Variants in FGF14 observed in about 807,000 individuals in gnomAD.
FGF14 encodes the protein fibroblast growth factor homologous factor 4.
Under a neutral mutation model 25.5 loss-of-function variants are expected in FGF14, and 5 were observed. The ratio of observed to expected loss-of-function variants is 0.20; its 90% confidence interval spans 0.10 to 0.41. The LOEUF (loss-of-function observed/expected upper bound fraction) is 0.41. Among genes scored for constraint, FGF14 ranks in the 10% least tolerant of loss-of-function variants. FGF14 has a pLI of 1.00. For synonymous variants in FGF14, 138 were observed against 118.3 expected, an observed-to-expected ratio of 1.17 and a Z score of -1.08; for missense variants, 222 against 320.1, an observed-to-expected ratio of 0.69 and a Z score of 2.34.
intron 1 of FGF14, among the ~76,000 whole-genome samples, chr13:102,269,588 T>C (rs1265410020): frequency 1.3e-5 from 2 of 152,194 alleles, no homozygotes; most frequent in Non-Finnish European, 2.9e-5. Flanking sequence ...GGAGTCTCAA[T>C]ATGTTGCTCA....
chr13:102,228,086 G>A (rs1055082730), intron 1 of FGF14, among the ~76,000 whole-genome samples: 4 of 152,136 alleles, frequency 2.6e-5, no homozygotes, highest in Admixed American at 1.3e-4. Context: ...TTTGCTAACT[G>A]TGAAATGGCA....
rs1031345440 is a variant in FGF14 at position 101,714,807 on chromosome 13, C to A, written c.*8024G>T. 1 of 488,172 alleles carries A rather than the reference C, an allele frequency of 2.0e-6. No individual in the cohort carries two copies. Among genetic ancestry groups the A allele is most frequent in the Non-Finnish European group, 3.7e-6 (1 of 273,482 alleles). 30.2% of individuals were successfully genotyped at this position (488,172 alleles called of 1,614,324 possible). A position where few individuals can be genotyped will look rare whatever the true frequency, so the allele number is the denominator to read the frequency against. On this transcript the variant is annotated 3_prime_UTR_variant, in exon 5 of 5. Coordinates refer to ENST00000376143, the MANE Select transcript of FGF14 (RefSeq NM_004115.4). Reference sequence around the variant, plus strand: ...TCCTTCCACAAAGTAACCTCCCCACCCTCAAACTCACATGTATGCAGTTGT... The same window carrying A: ...TCCTTCCACAAAGTAACCTCCCCACACTCAAACTCACATGTATGCAGTTGT...
At chr13:101,984,446 T>C (rs2038448579) in intron 1 of FGF14, among the ~76,000 whole-genome samples, 1 of 152,170 alleles carries the variant, frequency 6.6e-6, no homozygotes, top group African/African-American at 2.4e-5. Context: ...TCAATCTGTT[T>C]AATAAGATGG....
chr13:101,783,118 T>C (rs2039606893), intron 3 of FGF14, among the ~76,000 whole-genome samples: 1 of 152,230 alleles, frequency 6.6e-6, no homozygotes, highest in Admixed American at 6.5e-5. Flanking sequence ...TGCATTTCTC[T>C]AATGATCAGT....
chr13:102,351,165 A>G (rs1291069006), intron 1 of FGF14, among the ~76,000 whole-genome samples: 2 of 152,050 alleles, frequency 1.3e-5, no homozygotes, highest in African/African-American at 4.8e-5. Context: ...TGAATCTCTC[A>G]TTATATTTCT....
At position 101,847,755 on chromosome 13, in the gene FGF14, T is replaced by G. The variant is rs7327613; in HGVS notation, c.408+20970A>C. On this transcript the variant is annotated intron_variant, in intron 3 of 4. Transcript: ENST00000376143. Reference sequence around the variant, plus strand: ...TAGGCTTTGCCTTAAGAAGAATCTCTTTAATGTAGTCCCATATAATAAAAA... The same window carrying G: ...TAGGCTTTGCCTTAAGAAGAATCTCGTTAATGTAGTCCCATATAATAAAAA... 6.8e-3 allele frequency among the ~76,000 whole-genome samples: 1,029 copies of G among 152,206 alleles called. 10 individuals are homozygous for G. The highest frequency in any genetic ancestry group is 0.022 in the South Asian group (105 of 4,820).
At chr13:101,742,616 G>A (rs1335590696) in intron 3 of FGF14, among the ~76,000 whole-genome samples, 1 of 151,966 alleles carries the variant, frequency 6.6e-6, no homozygotes, top group African/African-American at 2.4e-5. Context: ...GCAGTTTTTG[G>A]TGCAAAGTGT....
chr13:102,231,633 C>T (rs938262290), intron 1 of FGF14, among the ~76,000 whole-genome samples: 3 of 152,168 alleles, frequency 2.0e-5, no homozygotes, highest in African/African-American at 7.2e-5. Flanking sequence ...ATGTTATGTC[C>T]TCCCTCCTGT....
intron 3 of FGF14, among the ~76,000 whole-genome samples, chr13:101,816,317 C>A (rs1359133285): frequency 6.9e-6 from 1 of 145,272 alleles, no homozygotes; most frequent in East Asian, 2.0e-4. Flanking sequence ...AGGGAGATAT[C>A]AGGGTTAAAT....
intron 1 of FGF14, among the ~76,000 whole-genome samples, chr13:101,937,421 C>T (rs1486185634): frequency 1.3e-5 from 2 of 152,128 alleles, no homozygotes. Context: ...AATCTGGACA[C>T]ACAGAGATCC....
intron 1 of FGF14, among the ~76,000 whole-genome samples, chr13:102,087,807 C>T (rs1488084285): frequency 6.6e-6 from 1 of 152,034 alleles, no homozygotes; most frequent in East Asian, 1.9e-4. Flanking sequence ...ATTAGCTTTA[C>T]CAACTCTGTG....
At chr13:101,955,935 T>C (rs12877811) in intron 1 of FGF14, among the ~76,000 whole-genome samples, 34,270 of 152,164 alleles carry the variant, frequency 0.23, 4,162 homozygotes, top group Admixed American at 0.34. Flanking sequence ...TCGTGTTACC[T>C]AGACAAAGCA....
chr13:102,396,587 G>A (rs2058589714), intron 1 of FGF14, among the ~76,000 whole-genome samples: 1 of 152,188 alleles, frequency 6.6e-6, no homozygotes, highest in South Asian at 2.1e-4. Flanking sequence ...TAAAGGAATG[G>A]TTCATTGTAG....
chr13:102,007,567 G>T (rs545219844), intron 1 of FGF14, among the ~76,000 whole-genome samples: 1 of 151,998 alleles, frequency 6.6e-6, no homozygotes, highest in Non-Finnish European at 1.5e-5. Flanking sequence ...GTCCCACCTC[G>T]CTCTGACACT....
intron 1 of FGF14, among the ~76,000 whole-genome samples, chr13:102,113,474 G>A (rs1394356224): frequency 1.3e-5 from 2 of 152,116 alleles, no homozygotes; most frequent in Non-Finnish European, 2.9e-5. Flanking sequence ...ACTATTTACT[G>A]TAAAATACAA....
intron 1 of FGF14, among the ~76,000 whole-genome samples, chr13:101,945,888 G>A (rs1177232653): frequency 6.6e-6 from 1 of 152,184 alleles, no homozygotes; most frequent in East Asian, 1.9e-4. Context: ...ACCTTTAATT[G>A]ACCTCAAGTC....
chr13:102,205,368 C>T (rs184817330), intron 1 of FGF14, among the ~76,000 whole-genome samples: 27 of 151,996 alleles, frequency 1.8e-4, no homozygotes, highest in African/African-American at 5.5e-4. Flanking sequence ...CAAAAAAAAC[C>T]CAATGGTAAT....
intron 1 of FGF14, among the ~76,000 whole-genome samples, chr13:101,961,195 A>C (rs4771411): frequency 5.3e-5 from 8 of 152,172 alleles, no homozygotes; most frequent in African/African-American, 9.6e-5. Flanking sequence ...GTTTAACTAG[A>C]TCCCATGTGT....
At chr13:102,076,342 A>G (rs570676732) in intron 1 of FGF14, among the ~76,000 whole-genome samples, 4 of 152,306 alleles carry the variant, frequency 2.6e-5, no homozygotes, top group Admixed American at 6.5e-5. Flanking sequence ...CTGTGTTACA[A>G]TTGCCCACAG....
Sources: gnomAD v4.1 joint callset for allele counts (sites outside exome capture counted in the v4.1 genomes callset) on GRCh38, gnomAD v4.1.1 for gene constraint, MANE v1.5 for transcripts, NCBI Gene and HGNC (gene_info 2026-07-23, HGNC 2026-07-21) for gene names.